Variants in PRRT4 observed in about 807,000 individuals in gnomAD.
PRRT4 encodes proline-rich transmembrane protein 4.
Under a neutral mutation model 55.6 loss-of-function variants are expected in PRRT4, and 59 were observed. The observed-to-expected ratio is 1.06, with a 90% CI of 0.86 to 1.32. The LOEUF (loss-of-function observed/expected upper bound fraction) is 1.32, where lower values mean the gene tolerates loss of function less well. Ranked by LOEUF, PRRT4 falls within the 40% of genes most tolerant of loss-of-function variation. PRRT4 has a pLI of 0.00. For missense variants in PRRT4, 1,217 were observed against 1,222.0 expected, an observed-to-expected ratio of 1.00 and a Z score of 0.06; for synonymous variants, 606 against 601.8, an observed-to-expected ratio of 1.01 and a Z score of -0.10.
Position 128,358,936 on chromosome 7 carries a change from A to G in PRRT4, c.758-136T>C, listed in dbSNP as rs56154423. ...TCCCAGGAATTGTAGCCACATGCTA[A>G]GCTCATGTACACCATGAGCTAAGCT... On this transcript the variant is annotated intron_variant, in intron 3 of 4. Coordinates refer to ENST00000535159, the Ensembl canonical transcript of PRRT4. This position sits in a 1 kb window ranked among gnomAD's most constrained non-coding sequence, Gnocchi z 4.4. The G allele has an allele frequency of 0.043, 59,563 of 1,378,430 alleles. 1,475 individuals carry two copies. The highest frequency in any genetic ancestry group is 0.048 in the Non-Finnish European group (49,653 of 1,034,318). 85.4% of individuals were successfully genotyped at this position (1,378,430 alleles called of 1,614,324 possible). A position where few individuals can be genotyped will look rare whatever the true frequency, so the allele number is the denominator to read the frequency against.
In PRRT4 at chr7:128,351,131, G is replaced by A. The variant is rs1284709831; in HGVS notation, c.2425C>T (p.Leu809Phe). 19 of 1,547,954 alleles carry A rather than the reference G, an allele frequency of 1.2e-5. 1 individual carries two copies. Among genetic ancestry groups the A allele is most frequent in the Middle Eastern group, 1.7e-4 (1 of 5,984 alleles). Residue 809 changes from leucine (L) to phenylalanine (F), a missense_variant, in exon 5 of 5, where the codon CTC becomes TTC. Leu to Phe is a conservative substitution (Grantham distance 22). This residue lies in a region of PRRT4 where 642 missense variants were observed against 600.9 expected (regional missense o/e 1.07). Transcript: ENST00000535159. ...AGCATGGACGAGCTGTCCCGCGAGA[G>A]TCCGCAGAACGAGCCAGATGAGACG...
Position 128,358,938 on chromosome 7 carries a change from C to T in PRRT4, c.758-138G>A, listed in dbSNP as rs746972618. The stretch of plus-strand genomic sequence containing the variant: ...CCAGGAATTGTAGCCACATGCTAAG[C>T]TCATGTACACCATGAGCTAAGCTAC... On this transcript the variant is annotated intron_variant, in intron 3 of 4. Transcript: ENST00000535159. The surrounding 1 kb of genome is among the most constrained non-coding windows in gnomAD (Gnocchi z 4.4). 3 of 1,364,590 alleles carry T rather than the reference C, an allele frequency of 2.2e-6. No individual in the cohort carries two copies. Among genetic ancestry groups the T allele is most frequent in the Non-Finnish European group, 2.9e-6 (3 of 1,020,758 alleles). The allele number at this position is 1,364,590 out of a possible 1,614,324, so 84.5% of individuals were successfully genotyped here.
intron 1 of PRRT4, among the ~76,000 whole-genome samples, chr7:128,360,670 C>CCCCTCCCGT (rs1797228306): frequency 6.6e-6 from 1 of 152,132 alleles, no homozygotes; most frequent in South Asian, 2.1e-4. Context: ...CTCCCTCCCG[C>CCCCTCCCGT]CCCTCCCGTT....
rs145298449 is a variant in PRRT4, at chr7:128,351,386, A to T, written c.2170T>A (p.Ser724Thr). The change falls in exon 5 of 5, where the codon TCC becomes ACC. Residue 724 changes from serine (S) to threonine (T), a missense_variant. Around this residue, in one of 3 missense-constraint regions of PRRT4, gnomAD observed 642 missense variants for 600.9 expected, o/e 1.07. Coordinates refer to ENST00000535159, the Ensembl canonical transcript of PRRT4. ...ATGCTGCGTCGCAGGTTGATTGGGG[A>T]GGGCGGGCGGAAGTCCACGGTGTAA... is the stretch of plus-strand genomic sequence containing the variant. The T allele has an allele frequency of 1.9e-4, 286 of 1,543,382 alleles. 1 individual carries two copies. In the East Asian group the frequency reaches 6.9e-3, roughly 37 times the overall value.
At chr7:128,361,897 C>A (rs1797267802), upstream of PRRT4, among the ~76,000 whole-genome samples, 1 of 152,148 alleles carries the variant, frequency 6.6e-6, no homozygotes, top group South Asian at 2.1e-4. Flanking sequence ...CCGCGGCGGG[C>A]GCCTCGCTGT....
chr7:128,352,751 G>T (rs1797027669), intron 4 of PRRT4, 73 bp from the exon 6 acceptor site: 4 of 1,367,398 alleles, frequency 2.9e-6, no homozygotes, highest in Non-Finnish European at 9.7e-7. Context: ...GCAGTAGCCT[G>T]AATGCCAGTC....
chr7:128,352,430 GGCCGAAGA>G lies in PRRT4; in HGVS notation c.1118_1125del (p.Leu373ProfsTer203). 1.3e-6 allele frequency: 2 copies of G among 1,537,542 alleles called. No individual in the cohort carries two copies. Among genetic ancestry groups the G allele is most frequent in the South Asian group, 2.4e-5 (2 of 83,960 alleles). ...GCCAGCAGCGCCAGCAAGGCAACCA[GGCCGAAGA>G]GCGCGCCTACCCCGTACACGTGGGC... is the stretch of plus-strand genomic sequence containing the variant. On this transcript the variant is annotated frameshift_variant, in exon 5 of 5. Coordinates refer to ENST00000535159, the Ensembl canonical transcript of PRRT4. LOFTEE classifies it high-confidence loss of function.
rs763703914 is a variant in PRRT4 at position 128,357,209 on chromosome 7, T to TACACACAC, written c.877+1464_877+1471dup. Among the ~76,000 whole-genome samples the TACACACAC allele has an allele frequency of 4.6e-4, 58 of 127,266 alleles. 1 individual carries two copies. Among genetic ancestry groups the TACACACAC allele is most frequent in the Middle Eastern group, 4.0e-3 (1 of 248 alleles). The allele number at this position is 127,266 out of a possible 152,430, so 83.5% of individuals were successfully genotyped here. ...TTGTATGGTAACTGCTTGATACAAA[T>TACACACAC]ACACACACACACACACACACACACA... is the stretch of plus-strand genomic sequence containing the variant. On this transcript the variant is annotated intron_variant, in intron 4 of 4. Coordinates refer to ENST00000535159, the Ensembl canonical transcript of PRRT4.
rs895812131 is a variant in PRRT4 at position 128,359,430 on chromosome 7, C to T, written c.562G>A (p.Ala188Thr). The T allele has an allele frequency of 8.2e-6, 12 of 1,464,410 alleles. No individual in the cohort carries two copies. In the Admixed American group the frequency reaches 8.4e-5, roughly 10 times the overall value. The allele number at this position is 1,464,410 out of a possible 1,614,324, so 90.7% of individuals were successfully genotyped here. Residue 188 changes from alanine (A) to threonine (T), a missense_variant, in exon 2 of 5, where the codon GCA (alanine) becomes ACA (threonine). Around this residue, in one of 3 missense-constraint regions of PRRT4, gnomAD observed 564 missense variants for 592.9 expected, o/e 0.95. Coordinates refer to ENST00000535159, the Ensembl canonical transcript of PRRT4. ...GTTCGATGCCCAAGCGTGGGGGCTGCACCTGCTCTCAGTGCCATGTCAAAC... is the reference window on the plus strand; with the variant it reads ...GTTCGATGCCCAAGCGTGGGGGCTGTACCTGCTCTCAGTGCCATGTCAAAC...
chr7:128,351,859 G>T lies in PRRT4; in HGVS notation c.1697C>A (p.Thr566Asn), dbSNP rs1796983458. 12 of 1,344,886 alleles carry T rather than the reference G, an allele frequency of 8.9e-6. No homozygotes were observed. The highest frequency in any genetic ancestry group is 1.5e-5 in the African/African-American group (1 of 65,014). The allele number at this position is 1,344,886 out of a possible 1,614,324, so 83.3% of individuals were successfully genotyped here. ...CAGGGCTCCGCTCAGCAGCCCGAAG[G>T]TGCCCGCCACCGGGGCCGTGCGCGC... Residue 566 changes from threonine to asparagine, a missense_variant, in exon 5 of 5, where the codon ACC (threonine) becomes AAC (asparagine). Thr to Asn is a moderately conservative substitution (Grantham distance 65, BLOSUM62 0). This residue lies in a region of PRRT4 where 642 missense variants were observed against 600.9 expected (regional missense o/e 1.07). Transcript: ENST00000535159.
At chr7:128,350,831 G>A (rs1375814495), downstream of PRRT4, 7 of 1,547,762 alleles carry the variant, frequency 4.5e-6, no homozygotes, top group Non-Finnish European at 6.1e-6. Context: ...GGGGCATATC[G>A]CAGGGTAGCA....
exon 3 of PRRT4, chr7:128,359,223 C>T (rs1299896046): frequency 4.5e-6 from 7 of 1,551,590 alleles, no homozygotes; most frequent in East Asian, 2.4e-5. Flanking sequence ...GGAGAAGTTC[C>T]GGAGTGGGGA....
chr7:128,358,912 C>T lies in PRRT4; in HGVS notation c.758-112G>A. 2 of 1,445,698 alleles carry T rather than the reference C, an allele frequency of 1.4e-6. No individual in the cohort carries two copies. The highest frequency in any genetic ancestry group is 9.1e-7 in the Non-Finnish European group (1 of 1,095,684). The allele number at this position is 1,445,698 out of a possible 1,614,324, so 89.6% of individuals were successfully genotyped here. ...GAGTTTGTCCTAAGGAAGTCACTGT[C>T]CCAGGAATTGTAGCCACATGCTAAG... On this transcript the variant is annotated intron_variant, in intron 3 of 4. Coordinates refer to ENST00000535159, the Ensembl canonical transcript of PRRT4. This position sits in a 1 kb window ranked among gnomAD's most constrained non-coding sequence, Gnocchi z 4.4.
chr7:128,359,979 C>G, exon 2 of PRRT4: 1 of 1,323,594 alleles, frequency 7.6e-7, no homozygotes, highest in South Asian at 2.3e-5. Flanking sequence ...CCTAGACAGC[C>G]ATGCCTGGCC....
downstream of PRRT4, chr7:128,350,754 A>G: frequency 7.4e-6 from 11 of 1,480,760 alleles, no homozygotes; most frequent in Non-Finnish European, 9.0e-6. Flanking sequence ...CTGGAGAGGT[A>G]TCTGAGCCAG....
chr7:128,352,172 G>C, exon 5 of PRRT4: 1 of 1,400,184 alleles, frequency 7.1e-7, no homozygotes, highest in Non-Finnish European at 9.2e-7. Flanking sequence ...GTGGGGCACC[G>C]CGGCGGGCGC....
chr7:128,356,786 T>C (rs1797120252), intron 4 of PRRT4, among the ~76,000 whole-genome samples: 1 of 152,240 alleles, frequency 6.6e-6, no homozygotes, highest in African/African-American at 2.4e-5. Flanking sequence ...GAATCATGTC[T>C]CCACTCTGGA....
Position 128,351,382 on chromosome 7 carries a change from G to GGCGA in PRRT4, c.2173_2174insTCGC (p.Pro725LeufsTer52). On this transcript the variant is annotated frameshift_variant, in exon 5 of 5. Coordinates refer to ENST00000535159, the Ensembl canonical transcript of PRRT4. LOFTEE classifies it high-confidence loss of function. The stretch of plus-strand genomic sequence containing the variant: ...CTCGATGCTGCGTCGCAGGTTGATT[G>GGCGA]GGGAGGGCGGGCGGAAGTCCACGGT... 1.3e-6 allele frequency: 2 copies of GGCGA among 1,544,188 alleles called. No individual in the cohort carries two copies. Among genetic ancestry groups the GGCGA allele is most frequent in the Non-Finnish European group, 1.7e-6 (2 of 1,144,184 alleles).
downstream of PRRT4, chr7:128,350,603 G>T (rs359665): frequency 0.024 from 13,459 of 566,100 alleles, 1,011 homozygotes; most frequent in African/African-American, 0.18. Flanking sequence ...TGAATGCCAA[G>T]GAAAATGGGA....
Sources: allele counts gnomAD v4.1 joint callset (sites outside exome capture counted in the v4.1 genomes callset), GRCh38; gene constraint gnomAD v4.1.1; regional missense constraint gnomAD v4.1.1; non-coding constraint Gnocchi (gnomAD v3.1); transcripts MANE v1.5; gene names NCBI Gene and HGNC (gene_info 2026-07-23, HGNC 2026-07-21).